The following TUFT1 variants were observed in gnomAD, a reference collection of about 807,000 sequenced individuals.
TUFT1 encodes tuftelin 1, also known as tuftelin.
Under a neutral mutation model 57.8 loss-of-function variants are expected in TUFT1, and 43 were observed. The observed-to-expected ratio is 0.74, with a 90% CI of 0.58 to 0.96. The LOEUF is 0.96. Among genes scored for constraint, TUFT1 ranks in the 40% least tolerant of loss-of-function variants. The pLI is 0.00. For synonymous variants in TUFT1, 166 were observed against 176.7 expected (o/e 0.94, Z 0.48); for missense variants, 459 against 489.0 (o/e 0.94, Z 0.58).
chr1:151,540,358 C>T lies in TUFT1; in HGVS notation c.-9C>T. 1 of 1,614,094 alleles carries T rather than the reference C, an allele frequency of 6.2e-7. No homozygotes were observed. Among genetic ancestry groups the T allele is most frequent in the Non-Finnish European group, 8.5e-7 (1 of 1,179,966 alleles). On this transcript the variant is annotated 5_prime_UTR_variant, in exon 1 of 13. Coordinates refer to ENST00000368849, the MANE Select transcript of TUFT1 (RefSeq NM_020127.3). ...ACAAGTGGCGTGTGTGCTGCGACCC[C>T]GAGGGAAGATGAACGGGACGCGGAA...
chr1:151,560,510 CT>C (rs1045307054), intron 1 of TUFT1, among the ~76,000 whole-genome samples: 7 of 152,190 alleles, frequency 4.6e-5, no homozygotes, highest in South Asian at 2.1e-4. Flanking sequence ...CTGATTTCTT[CT>C]CCACCAAGTT....
chr1:151,555,007 T>C (rs1665638913), intron 1 of TUFT1, among the ~76,000 whole-genome samples: 1 of 147,412 alleles, frequency 6.8e-6, no homozygotes. Flanking sequence ...CCAGCCCTCT[T>C]AGCAGTGTCT....
intron 9 of TUFT1, among the ~76,000 whole-genome samples, chr1:151,578,099 T>C (rs1482986638): frequency 6.6e-6 from 1 of 151,368 alleles, no homozygotes; most frequent in Non-Finnish European, 1.5e-5. Flanking sequence ...TAACGAGGAG[T>C]TCATTACACA....
At chr1:151,554,540 C>T (rs1665613437) in intron 1 of TUFT1, among the ~76,000 whole-genome samples, 1 of 151,760 alleles carries the variant, frequency 6.6e-6, no homozygotes, top group Non-Finnish European at 1.5e-5. Flanking sequence ...GCTGGGACTA[C>T]AGGCACGTGC....
chr1:151,563,005 T>C (rs1393303165), intron 3 of TUFT1, among the ~76,000 whole-genome samples: 3 of 152,192 alleles, frequency 2.0e-5, no homozygotes, highest in South Asian at 4.1e-4. Flanking sequence ...ATGGAACTTA[T>C]GTTTTCCTAT....
At chr1:151,578,158 G>T (rs573602893) in intron 9 of TUFT1, among the ~76,000 whole-genome samples, 11 of 152,200 alleles carry the variant, frequency 7.2e-5, no homozygotes, top group African/African-American at 2.4e-4. Flanking sequence ...AGTCTTTCCT[G>T]TGTTAATATA....
At chr1:151,574,768 C>G in intron 8 of TUFT1, 143 bp from the exon 9 acceptor site, 2 of 714,170 alleles carry the variant, frequency 2.8e-6, no homozygotes, top group Admixed American at 2.5e-5. Context: ...GGATGGCTCC[C>G]CATCAAACCA....
chr1:151,581,869 TA>T lies in TUFT1; in HGVS notation c.*164del. 2 of 711,166 alleles carry T rather than the reference TA, an allele frequency of 2.8e-6. No homozygotes were observed. The highest frequency in any genetic ancestry group is 2.5e-6 in the Non-Finnish European group (1 of 407,456). The allele number at this position is 711,166 out of a possible 1,614,324, so 44.1% of individuals were successfully genotyped here. ...ACCATTCCCAAGCCCCTGGCCACTC[TA>T]AGCTGGGCAGACGGAGCACGAGCAC... On this transcript the variant is annotated 3_prime_UTR_variant, in exon 13 of 13. Transcript: ENST00000368849.
intron 5 of TUFT1, among the ~76,000 whole-genome samples, chr1:151,565,396 G>A (rs970750079): frequency 1.3e-5 from 2 of 152,270 alleles, no homozygotes; most frequent in East Asian, 3.8e-4. Context: ...TCTTGCTCCA[G>A]CAGCAGCCCC....
At chr1:151,550,153 T>C (rs1022712818) in intron 1 of TUFT1, among the ~76,000 whole-genome samples, 1 of 152,130 alleles carries the variant, frequency 6.6e-6, no homozygotes, top group Non-Finnish European at 1.5e-5. Context: ...TGCCTCAGCC[T>C]CCCAGGCAAC....
At chr1:151,575,494 A>G (rs1666433986) in intron 9 of TUFT1, among the ~76,000 whole-genome samples, 1 of 152,130 alleles carries the variant, frequency 6.6e-6, no homozygotes. Context: ...GAAACTGAGA[A>G]CCACCTGTCA....
intron 1 of TUFT1, among the ~76,000 whole-genome samples, chr1:151,547,745 A>G (rs887184126): frequency 6.6e-6 from 1 of 152,198 alleles, no homozygotes; most frequent in African/African-American, 2.4e-5. Context: ...GTCGCTAGGC[A>G]GGTGTCCTAG....
intron 1 of TUFT1, among the ~76,000 whole-genome samples, chr1:151,560,844 A>T (rs201303135): frequency 4.1e-4 from 62 of 151,916 alleles, no homozygotes; most frequent in Non-Finnish European, 8.4e-4. Context: ...CAGGTGATTT[A>T]CTCTGCCTTG....
chr1:151,541,326 C>T (rs1221167627), intron 1 of TUFT1, among the ~76,000 whole-genome samples: 1 of 152,220 alleles, frequency 6.6e-6, no homozygotes, highest in East Asian at 1.9e-4. Context: ...AGTCCCAGTT[C>T]TCCCCACCCT....
At chr1:151,561,421 G>T in intron 1 of TUFT1, 1 of 354,088 alleles carries the variant, frequency 2.8e-6, no homozygotes, top group Non-Finnish European at 3.9e-6. Context: ...GGCTGAGGTG[G>T]GTGGATCACT....
rs79049967 is a variant in TUFT1 at position 151,559,266 on chromosome 1, T to A, written c.61-2825T>A. On this transcript the variant is annotated intron_variant, in intron 1 of 12. Transcript: ENST00000368849. ...GCTAAGGGCTGTGGCATACAACAGC[T>A]CTTGAGGAGTTAACAGAAGGGGTAA... 4.8e-3 allele frequency among the ~76,000 whole-genome samples: 736 copies of A among 152,296 alleles called. 10 individuals carry two copies. Among genetic ancestry groups the A allele is most frequent in the African/African-American group, 0.016 (668 of 41,554 alleles).
At chr1:151,540,584 G>A (rs1166882872) in intron 1 of TUFT1, 158 bp downstream of exon 1, 9 of 776,674 alleles carry the variant, frequency 1.2e-5, no homozygotes, top group East Asian at 2.7e-5. Context: ...TTTTGCCTGC[G>A]ACGGGCAGTG....
Position 151,563,467 on chromosome 1 carries a change from A to G in TUFT1, c.238-437A>G, listed in dbSNP as rs552655274. Among the ~76,000 whole-genome samples, 210 of 152,294 alleles carry G rather than the reference A, an allele frequency of 1.4e-3. 1 individual carries two copies. Among genetic ancestry groups the G allele is most frequent in the Non-Finnish European group, 2.2e-3 (153 of 68,028 alleles). The stretch of plus-strand genomic sequence containing the variant: ...ATCACCTACAGTATTCAGTACAGTA[A>G]CATGCTGTGCAGGTTTGTTTGTAGC... On this transcript the variant is annotated intron_variant, in intron 3 of 12. Coordinates refer to ENST00000368849, the MANE Select transcript of TUFT1 (RefSeq NM_020127.3).
At chr1:151,560,713 C>T (rs1157192059) in intron 1 of TUFT1, among the ~76,000 whole-genome samples, 4 of 152,178 alleles carry the variant, frequency 2.6e-5, no homozygotes, top group Admixed American at 6.5e-5. Context: ...TCCATCCTCA[C>T]GCTGTCACAG....
Sources: gnomAD v4.1 joint callset for allele counts (sites outside exome capture counted in the v4.1 genomes callset) on GRCh38, gnomAD v4.1.1 for gene constraint, MANE v1.5 for transcripts, NCBI Gene and HGNC (gene_info 2026-07-23, HGNC 2026-07-21) for gene names.